The following PARD3B variants were observed in gnomAD, a reference collection of about 807,000 sequenced individuals.
PARD3B encodes the protein partitioning defective 3 homolog B.
In PARD3B, 103 loss-of-function variants were observed where a neutral mutation model predicts 130.2. That is an observed-to-expected ratio of 0.79 (90% CI 0.67 to 0.93). The LOEUF (loss-of-function observed/expected upper bound fraction) is 0.93. Among genes scored for constraint, PARD3B ranks in the 40% least tolerant of loss-of-function variants. The pLI is 0.00. For missense variants in PARD3B, 1,609 were observed against 1,499.2 expected (o/e 1.07, Z -1.21); for synonymous variants, 583 against 553.2 (o/e 1.05, Z -0.76).
At chr2:204,856,579 G>A (rs891851125) in intron 2 of PARD3B, among the ~76,000 whole-genome samples, 4 of 152,032 alleles carry the variant, frequency 2.6e-5, no homozygotes, top group African/African-American at 7.2e-5. Context: ...TGCTTTCATT[G>A]CCTGTGCTTT....
At chr2:205,298,981 T>C (rs1025718086) in intron 16 of PARD3B, among the ~76,000 whole-genome samples, 17 of 152,302 alleles carry the variant, frequency 1.1e-4, no homozygotes, top group Admixed American at 1.0e-3. Context: ...AAAATGGGGC[T>C]AAAAGTAGTA....
rs1042840776 is a variant in PARD3B, at chr2:205,405,080, A to G, written c.2741+3957A>G. Among the ~76,000 whole-genome samples the G allele has an allele frequency of 2.6e-5, 4 of 152,236 alleles. No individual in the cohort carries two copies. Among genetic ancestry groups the G allele is most frequent in the East Asian group, 1.9e-4 (1 of 5,186 alleles). ...CCTGATCCGAAACCATTTTGCTGCT[A>G]TATATGGATAGTTTATCTATAGCTA... On this transcript the variant is annotated intron_variant, in intron 19 of 22. Coordinates refer to ENST00000406610, the MANE Select transcript of PARD3B (RefSeq NM_001302769.2). The surrounding 1 kb of genome is among the most constrained non-coding windows in gnomAD (Gnocchi z 4.1).
At chr2:205,223,511 C>A (rs1390048010) in intron 15 of PARD3B, among the ~76,000 whole-genome samples, 1 of 152,130 alleles carries the variant, frequency 6.6e-6, no homozygotes, top group South Asian at 2.1e-4. Context: ...GACTGCTGCT[C>A]ATGAAGACAG....
intron 2 of PARD3B, among the ~76,000 whole-genome samples, chr2:204,796,097 A>G (rs1360253827): frequency 6.6e-6 from 1 of 152,226 alleles, no homozygotes; most frequent in African/African-American, 2.4e-5. Flanking sequence ...AAAGATGTTA[A>G]TGAAAAAAGT....
intron 1 of PARD3B, among the ~76,000 whole-genome samples, chr2:204,641,073 GTATATTAC>G (rs1301359210): frequency 6.8e-6 from 1 of 147,006 alleles, no homozygotes; most frequent in Admixed American, 6.8e-5. Context: ...ATTATATATT[GTATATTAC>G]TATATTATAT....
At chr2:205,528,438 A>C (rs1320037488) in intron 21 of PARD3B, among the ~76,000 whole-genome samples, 1 of 152,046 alleles carries the variant, frequency 6.6e-6, no homozygotes, top group Non-Finnish European at 1.5e-5. Flanking sequence ...ATATAAATTG[A>C]GACCTGTGCT....
chr2:204,871,779 T>C (rs1481266682), intron 2 of PARD3B, among the ~76,000 whole-genome samples: 1 of 152,112 alleles, frequency 6.6e-6, no homozygotes, highest in Non-Finnish European at 1.5e-5. Context: ...AATTCCCTCA[T>C]CTGGAGCTAG....
chr2:205,332,606 G>A (rs748740090), intron 18 of PARD3B, among the ~76,000 whole-genome samples: 2 of 152,196 alleles, frequency 1.3e-5, no homozygotes, highest in Admixed American at 6.5e-5. Flanking sequence ...CCTATCCTGA[G>A]TAGTGGCTTG....
At chr2:205,005,639 A>T (rs1412546909) in intron 3 of PARD3B, among the ~76,000 whole-genome samples, 2 of 152,238 alleles carry the variant, frequency 1.3e-5, no homozygotes, top group Non-Finnish European at 2.9e-5. Flanking sequence ...GCAAACAGAA[A>T]GAGTATTGAT....
chr2:204,902,103 C>T (rs1333793743), intron 2 of PARD3B, among the ~76,000 whole-genome samples: 2 of 152,100 alleles, frequency 1.3e-5, no homozygotes. Context: ...CTGCATGGAC[C>T]GTTTCTTGTC....
intron 15 of PARD3B, among the ~76,000 whole-genome samples, chr2:205,195,913 G>T (rs10153620): frequency 6.6e-6 from 1 of 151,694 alleles, no homozygotes; most frequent in African/African-American, 2.4e-5. Flanking sequence ...ATCTTCAAAG[G>T]CTGATGGATC....
intron 3 of PARD3B, among the ~76,000 whole-genome samples, chr2:205,016,390 G>A (rs193017368): frequency 2.5e-4 from 38 of 152,020 alleles, no homozygotes; most frequent in Non-Finnish European, 4.4e-4. Context: ...CCTTCTTCAC[G>A]TACCTTCACG....
chr2:205,415,657 C>A (rs1408181678), intron 19 of PARD3B, among the ~76,000 whole-genome samples: 4 of 152,094 alleles, frequency 2.6e-5, no homozygotes, highest in Non-Finnish European at 5.9e-5. Context: ...TTGAAATAAC[C>A]ACCTACAGAT....
intron 21 of PARD3B, among the ~76,000 whole-genome samples, chr2:205,513,797 A>G (rs142529035): frequency 6.6e-6 from 1 of 152,246 alleles, no homozygotes; most frequent in East Asian, 1.9e-4. Context: ...GACAGGAAAC[A>G]TAATTTCAAA....
intron 21 of PARD3B, among the ~76,000 whole-genome samples, chr2:205,514,911 T>C (rs1268695830): frequency 6.6e-6 from 1 of 151,490 alleles, no homozygotes; most frequent in Non-Finnish European, 1.5e-5. Flanking sequence ...TCACGGGGGT[T>C]TGTTGGACAG....
At chr2:205,502,973 C>T (rs2050210567) in intron 21 of PARD3B, among the ~76,000 whole-genome samples, 1 of 151,646 alleles carries the variant, frequency 6.6e-6, no homozygotes, top group Admixed American at 6.6e-5. Context: ...GGTTTCATGC[C>T]TGTCTTCTCT....
At chr2:205,069,110 G>A (rs745612371) in intron 4 of PARD3B, among the ~76,000 whole-genome samples, 3 of 151,044 alleles carry the variant, frequency 2.0e-5, no homozygotes, top group Non-Finnish European at 2.9e-5. Context: ...ATTTCCTAGT[G>A]TGGCTATATA....
chr2:204,687,065 G>T (rs759066246), intron 2 of PARD3B, among the ~76,000 whole-genome samples: 1 of 152,020 alleles, frequency 6.6e-6, no homozygotes, highest in Non-Finnish European at 1.5e-5. Flanking sequence ...TTTGTACAAG[G>T]CTAATTTATA....
intron 3 of PARD3B, among the ~76,000 whole-genome samples, chr2:205,000,576 C>G (rs2125278447): frequency 6.6e-6 from 1 of 152,294 alleles, no homozygotes; most frequent in Non-Finnish European, 1.5e-5. Context: ...AACGTCTACT[C>G]AAGTTTAATT....
Sources: gnomAD v4.1 joint callset for allele counts (sites outside exome capture counted in the v4.1 genomes callset) on GRCh38, gnomAD v4.1.1 for gene constraint, Gnocchi (gnomAD v3.1) non-coding constraint, MANE v1.5 for transcripts, NCBI Gene and HGNC (gene_info 2026-07-23, HGNC 2026-07-21) for gene names.